The following CTNNA3 variants were observed in gnomAD, a reference collection of about 807,000 sequenced individuals.
CTNNA3 encodes catenin alpha 3.
CTNNA3 carries 76 observed loss-of-function variants against 95.7 expected under a neutral mutation model. That is an observed-to-expected ratio of 0.79 (90% CI 0.66 to 0.96). CTNNA3 has a LOEUF of 0.96. Ranked by LOEUF, CTNNA3 falls within the 40% of genes least tolerant of loss-of-function variation. The probability of loss-of-function intolerance (pLI) is 0.00; values close to 1 mark genes in which losing one functional copy is unlikely to be tolerated. For missense variants in CTNNA3, 1,191 were observed against 1,089.8 expected (o/e 1.09, Z -1.31); for synonymous variants, 431 against 374.4 (o/e 1.15, Z -1.74).
chr10:67,343,785 T>C (rs1470524128), intron 5 of CTNNA3, among the ~76,000 whole-genome samples: 3 of 151,902 alleles, frequency 2.0e-5, no homozygotes, highest in Non-Finnish European at 2.9e-5. Context: ...CTTCCAGTAC[T>C]ATGTTGAATA....
intron 7 of CTNNA3, among the ~76,000 whole-genome samples, chr10:66,914,677 A>G (rs962226236): frequency 1.3e-5 from 2 of 152,254 alleles, no homozygotes; most frequent in Non-Finnish European, 2.9e-5. Flanking sequence ...CAATATGATC[A>G]CCTAAATTAG....
rs573657666 is a variant in CTNNA3, at chr10:67,585,017, G to A, written c.292+21840C>T. On this transcript the variant is annotated intron_variant, in intron 3 of 17. Transcript: ENST00000433211. ...ATTCCCCAAGCCCTTGCACTTCCTG[G>A]GTTAGGCGATGCCCCGCCCTGCTTC... 1.4e-4 allele frequency among the ~76,000 whole-genome samples: 21 copies of A among 152,328 alleles called. No homozygotes were observed. The South Asian group carries it at 4.3e-3, about 32-fold the overall frequency.
chr10:66,464,143 C>T lies in CTNNA3; in HGVS notation c.1531+56474G>A, dbSNP rs188708585. Among the ~76,000 whole-genome samples the T allele has an allele frequency of 6.6e-3, 997 of 152,004 alleles. 8 individuals are homozygous for T. Among genetic ancestry groups the T allele is most frequent in the Non-Finnish European group, 0.011 (726 of 67,970 alleles). ...TAGGCAAAATTCCATGAAATAAATC[C>T]CTAGGGAACTTTAAACTTTGTTTCA... On this transcript the variant is annotated intron_variant, in intron 11 of 17. Coordinates refer to ENST00000433211, the MANE Select transcript of CTNNA3 (RefSeq NM_013266.4).
chr10:66,044,295 A>G (rs2079773480), intron 15 of CTNNA3, among the ~76,000 whole-genome samples: 1 of 152,142 alleles, frequency 6.6e-6, no homozygotes, highest in African/African-American at 2.4e-5. Context: ...CCGGCCTTCC[A>G]TTTTTTATCC....
At chr10:67,007,169 G>A (rs147821056) in intron 7 of CTNNA3, among the ~76,000 whole-genome samples, 1 of 152,226 alleles carries the variant, frequency 6.6e-6, no homozygotes, top group East Asian at 1.9e-4. Flanking sequence ...TTATGCCTCT[G>A]TGACTCCTAA....
At chr10:66,233,020 C>T (rs1302850010) in intron 13 of CTNNA3, among the ~76,000 whole-genome samples, 1 of 151,634 alleles carries the variant, frequency 6.6e-6, no homozygotes, top group East Asian at 1.9e-4. Flanking sequence ...ATTAGCCGGG[C>T]GTGGTGGTGT....
chr10:66,865,560 T>C (rs1844140637), intron 7 of CTNNA3, among the ~76,000 whole-genome samples: 1 of 152,166 alleles, frequency 6.6e-6, no homozygotes, highest in Admixed American at 6.6e-5. Context: ...TTCATAATTA[T>C]ACTTAATTAT....
chr10:66,869,370 T>C lies in CTNNA3; in HGVS notation c.1048-93846A>G, dbSNP rs1238837553. Among the ~76,000 whole-genome samples, 15 of 151,920 alleles carry C rather than the reference T, an allele frequency of 9.9e-5. No individual in the cohort carries two copies. In the East Asian group the frequency reaches 2.9e-3, roughly 30 times the overall value. The stretch of plus-strand genomic sequence containing the variant: ...TTTGGGAGGCCGAGGCTCTTGTTTT[T>C]CAAGACCAGCCTGAACAACATGGTG... On this transcript the variant is annotated intron_variant, in intron 7 of 17. Coordinates refer to ENST00000433211, the MANE Select transcript of CTNNA3 (RefSeq NM_013266.4).
At chr10:65,952,056 A>G (rs1589165391) in intron 17 of CTNNA3, among the ~76,000 whole-genome samples, 1 of 149,308 alleles carries the variant, frequency 6.7e-6, no homozygotes, top group Admixed American at 6.7e-5. Flanking sequence ...AAAATCCCTC[A>G]CCTATTTCAT....
At chr10:66,970,041 C>A (rs1849632513) in intron 7 of CTNNA3, among the ~76,000 whole-genome samples, 1 of 152,078 alleles carries the variant, frequency 6.6e-6, no homozygotes, top group South Asian at 2.1e-4. Context: ...AAGGCGAGTT[C>A]CATAGGTTTA....
chr10:67,014,906 T>C (rs1375588795), intron 7 of CTNNA3, among the ~76,000 whole-genome samples: 3 of 152,098 alleles, frequency 2.0e-5, no homozygotes, highest in East Asian at 1.9e-4. Context: ...AATCAAATTA[T>C]ATATGCATTT....
chr10:66,954,587 A>G (rs1381473259), intron 7 of CTNNA3, among the ~76,000 whole-genome samples: 3 of 152,194 alleles, frequency 2.0e-5, no homozygotes, highest in Admixed American at 2.0e-4. Flanking sequence ...ACTTAGCTTC[A>G]GTTAAAATTA....
At chr10:66,987,033 A>C (rs141110696) in intron 7 of CTNNA3, among the ~76,000 whole-genome samples, 43 of 152,236 alleles carry the variant, frequency 2.8e-4, no homozygotes, top group African/African-American at 8.9e-4. Context: ...AACCAAGCAG[A>C]TATACAAGAT....
intron 6 of CTNNA3, among the ~76,000 whole-genome samples, chr10:67,204,134 T>C (rs1786198285): frequency 6.6e-6 from 1 of 152,294 alleles, no homozygotes; most frequent in East Asian, 1.9e-4. Context: ...AAAAGTATTT[T>C]TTTCCCAGAT....
intron 1 of CTNNA3, among the ~76,000 whole-genome samples, chr10:67,716,844 G>C (rs1286688942): frequency 6.6e-6 from 1 of 152,160 alleles, no homozygotes. Context: ...CCCAGTAAAA[G>C]GATTGCTGGG....
chr10:66,562,283 A>T (rs1424696677), intron 10 of CTNNA3, among the ~76,000 whole-genome samples: 1 of 152,040 alleles, frequency 6.6e-6, no homozygotes, highest in Non-Finnish European at 1.5e-5. Context: ...CATTCTCTTT[A>T]ATCCTTATTT....
At chr10:66,597,700 A>C (rs1290065519) in intron 10 of CTNNA3, among the ~76,000 whole-genome samples, 1 of 151,314 alleles carries the variant, frequency 6.6e-6, no homozygotes, top group African/African-American at 2.4e-5. Flanking sequence ...ACTTGCAGGC[A>C]CAGGAGAGTG....
intron 9 of CTNNA3, among the ~76,000 whole-genome samples, chr10:66,653,203 A>C (rs1473827372): frequency 6.6e-6 from 1 of 152,118 alleles, no homozygotes; most frequent in African/African-American, 2.4e-5. Flanking sequence ...ACATGATCTT[A>C]TAAATAGAAA....
intron 1 of CTNNA3, chr10:67,750,483 C>T (rs1841400900): frequency 6.5e-7 from 1 of 1,532,548 alleles, no homozygotes; most frequent in Admixed American, 1.7e-5. Context: ...CAAGAGAAGG[C>T]TGTAAAGCGG....
Sources: allele counts gnomAD v4.1 joint callset (sites outside exome capture counted in the v4.1 genomes callset), GRCh38; gene constraint gnomAD v4.1.1; transcripts MANE v1.5; gene names NCBI Gene and HGNC (gene_info 2026-07-23, HGNC 2026-07-21).